AP3S1: variants seen among roughly 807,000 people sequenced by gnomAD.
The protein encoded by AP3S1 is AP-3 complex subunit sigma-1.
AP3S1 carries 12 observed loss-of-function variants against 21.3 expected under a neutral mutation model. That is an observed-to-expected ratio of 0.56 (90% CI 0.36 to 0.91). The LOEUF is 0.91. AP3S1 is among the 40% of genes least tolerant of loss of function. The pLI is 0.01. For synonymous variants in AP3S1, 48 were observed against 78.4 expected (o/e 0.61, Z 2.05); for missense variants, 116 against 225.0 (o/e 0.52, Z 3.10).
chr5:115,851,399 C>T (rs914469574), intron 1 of AP3S1, among the ~76,000 whole-genome samples: 2 of 152,090 alleles, frequency 1.3e-5, no homozygotes, highest in Admixed American at 6.6e-5. Context: ...TGTGGGGAAG[C>T]GGCACATCAT....
intron 1 of AP3S1, among the ~76,000 whole-genome samples, chr5:115,863,817 A>G (rs1298767446): frequency 3.3e-5 from 5 of 152,226 alleles, no homozygotes; most frequent in African/African-American, 9.6e-5. Context: ...ATTTAATGCC[A>G]GCAAAGGATG....
At chr5:115,870,832 T>C (rs1748170384) in intron 3 of AP3S1, among the ~76,000 whole-genome samples, 1 of 152,216 alleles carries the variant, frequency 6.6e-6, no homozygotes, top group African/African-American at 2.4e-5. Context: ...AACTAAGAAG[T>C]TAACCTGCCA....
At chr5:115,857,233 T>C (rs1450829297) in intron 1 of AP3S1, among the ~76,000 whole-genome samples, 1 of 152,246 alleles carries the variant, frequency 6.6e-6, no homozygotes, top group East Asian at 1.9e-4. Flanking sequence ...GAGCTGACTT[T>C]TCAGATAAGG....
rs142826354 is a variant in AP3S1 at position 115,846,822 on chromosome 5, T to C, written c.69+4716T>C. Reference sequence around the variant, plus strand: ...GCTTTTTGTTAAGAAGAAAATTCCATACGATTTGGTTTCCTTCCATATTAG... The same window carrying C: ...GCTTTTTGTTAAGAAGAAAATTCCACACGATTTGGTTTCCTTCCATATTAG... On this transcript the variant is annotated intron_variant, in intron 1 of 5. Coordinates refer to ENST00000316788, the MANE Select transcript of AP3S1 (RefSeq NM_001284.4). 7.2e-5 allele frequency among the ~76,000 whole-genome samples: 11 copies of C among 152,296 alleles called. No individual in the cohort carries two copies. The East Asian group carries it at 2.1e-3, about 29-fold the overall frequency.
At chr5:115,907,868 A>G (rs548387928) in intron 5 of AP3S1, among the ~76,000 whole-genome samples, 45 of 152,302 alleles carry the variant, frequency 3.0e-4, no homozygotes, top group Non-Finnish European at 4.9e-4. Context: ...GTGTGAAACC[A>G]TGTAAGCAAA....
At chr5:115,846,463 ATG>A (rs1762072374) in intron 1 of AP3S1, among the ~76,000 whole-genome samples, 1 of 152,154 alleles carries the variant, frequency 6.6e-6, no homozygotes, top group African/African-American at 2.4e-5. Flanking sequence ...ATTAACCTAT[ATG>A]AGTTGCCTCA....
At chr5:115,868,837 G>T (rs947159849) in intron 2 of AP3S1, among the ~76,000 whole-genome samples, 3 of 151,144 alleles carry the variant, frequency 2.0e-5, no homozygotes, top group Non-Finnish European at 4.4e-5. Context: ...AGCTGAGATA[G>T]CACCATTGCA....
intron 1 of AP3S1, among the ~76,000 whole-genome samples, chr5:115,857,020 T>C (rs944850537): frequency 4.6e-5 from 7 of 152,186 alleles, no homozygotes; most frequent in African/African-American, 1.7e-4. Context: ...ATTTTCTTAG[T>C]TGAGTATTGC....
At chr5:115,843,543 A>G (rs7735298) in intron 1 of AP3S1, among the ~76,000 whole-genome samples, 5,113 of 152,338 alleles carry the variant, frequency 0.034, 319 homozygotes, top group African/African-American at 0.11. Flanking sequence ...CCGAATGGGA[A>G]AAAATGCCAT....
intron 1 of AP3S1, chr5:115,842,345 C>T (rs1761652979): frequency 6.0e-6 from 3 of 496,158 alleles, no homozygotes; most frequent in Non-Finnish European, 1.0e-5. Context: ...CGTCGGTGGG[C>T]TGCATGCTTT....
chr5:115,864,494 G>A lies in AP3S1; in HGVS notation c.70-2176G>A, dbSNP rs140089370. 2.2e-3 allele frequency among the ~76,000 whole-genome samples: 338 copies of A among 152,282 alleles called. 1 individual carries two copies. The highest frequency in any genetic ancestry group is 8.0e-3 in the African/African-American group (331 of 41,554). The stretch of plus-strand genomic sequence containing the variant: ...TTATGGAAAGGATTTTCAACACTAT[G>A]CAAGAGAATCTTAATAGAATATCAT... On this transcript the variant is annotated intron_variant, in intron 1 of 5. Coordinates refer to ENST00000316788, the MANE Select transcript of AP3S1 (RefSeq NM_001284.4).
chr5:115,873,995 T>C (rs749016177), intron 3 of AP3S1, among the ~76,000 whole-genome samples: 1 of 152,156 alleles, frequency 6.6e-6, no homozygotes, highest in Non-Finnish European at 1.5e-5. Context: ...ATGCATATGT[T>C]GTCCCAAATA....
At chr5:115,867,062 C>G (rs920378377) in intron 2 of AP3S1, among the ~76,000 whole-genome samples, 1 of 152,074 alleles carries the variant, frequency 6.6e-6, no homozygotes, top group African/African-American at 2.4e-5. Context: ...CTTAGTCCTT[C>G]TACCCAATTT....
intron 5 of AP3S1, among the ~76,000 whole-genome samples, chr5:115,907,474 C>G (rs1030249995): frequency 4.6e-5 from 7 of 152,022 alleles, no homozygotes; most frequent in African/African-American, 1.7e-4. Context: ...CCTGCAGGTG[C>G]ATATTAACAG....
chr5:115,878,210 T>A (rs924320551), intron 3 of AP3S1, among the ~76,000 whole-genome samples: 1 of 152,240 alleles, frequency 6.6e-6, no homozygotes, highest in African/African-American at 2.4e-5. Flanking sequence ...TTTAATTAGA[T>A]CCCATTTGTC....
chr5:115,898,467 A>G (rs1439408688), intron 4 of AP3S1, among the ~76,000 whole-genome samples: 2 of 152,200 alleles, frequency 1.3e-5, no homozygotes, highest in Non-Finnish European at 2.9e-5. Flanking sequence ...GGATGTAGAG[A>G]CTAACAATGT....
intron 1 of AP3S1, among the ~76,000 whole-genome samples, chr5:115,863,800 C>T (rs1561485387): frequency 6.6e-6 from 1 of 152,094 alleles, no homozygotes; most frequent in Non-Finnish European, 1.5e-5. Context: ...GGATCTAAAG[C>T]TGGAAAATTT....
At chr5:115,890,785 G>A (rs1419661996) in intron 3 of AP3S1, among the ~76,000 whole-genome samples, 1 of 146,364 alleles carries the variant, frequency 6.8e-6, no homozygotes, top group Admixed American at 6.8e-5. Context: ...AATGTCACCA[G>A]TAACTTGAGT....
chr5:115,890,992 C>G (rs1750251224), intron 3 of AP3S1, among the ~76,000 whole-genome samples: 1 of 152,182 alleles, frequency 6.6e-6, no homozygotes, highest in South Asian at 2.1e-4. Context: ...ACTCTGTGTT[C>G]AAGCAGCATT....
Sources: allele counts gnomAD v4.1 joint callset (sites outside exome capture counted in the v4.1 genomes callset), GRCh38; gene constraint gnomAD v4.1.1; transcripts MANE v1.5; gene names NCBI Gene and HGNC (gene_info 2026-07-23, HGNC 2026-07-21).